The following ARHGAP6 variants were observed in gnomAD, a reference collection of about 807,000 sequenced individuals.
The protein encoded by ARHGAP6 is rho GTPase-activating protein 6.
ARHGAP6 carries 16 observed loss-of-function variants against 55.7 expected under a neutral mutation model. The observed-to-expected ratio is 0.29, with a 90% CI of 0.19 to 0.44. The LOEUF (loss-of-function observed/expected upper bound fraction) is 0.44. Ranked by LOEUF, ARHGAP6 falls within the 20% of genes least tolerant of loss-of-function variation. ARHGAP6 has a pLI of 1.00. For synonymous variants in ARHGAP6, 382 were observed against 360.9 expected (o/e 1.06, Z -0.66); for missense variants, 698 against 808.9 (o/e 0.86, Z 1.66).
chrX:11,351,652 G>A (rs746421451), intron 1 of ARHGAP6: 43 of 681,289 alleles, frequency 6.3e-5, no homozygotes, highest in Admixed American at 8.8e-5. Context: ...TTCCCAGGCC[G>A]GACCGTCAGA....
chrX:11,442,958 T>C (rs1436327846), intron 1 of ARHGAP6, among the ~76,000 whole-genome samples: 12 of 112,290 alleles, frequency 1.1e-4, no homozygotes, highest in Non-Finnish European at 1.9e-5. Context: ...TTCTTTTTTC[T>C]GTTTTTGAAA....
chrX:11,323,600 C>G, intron 1 of ARHGAP6, among the ~76,000 whole-genome samples: 1 of 111,910 alleles, frequency 8.9e-6, no homozygotes, highest in Non-Finnish European at 1.9e-5. Context: ...TGTGGTGGCT[C>G]ACGCCTGTAA....
intron 1 of ARHGAP6, among the ~76,000 whole-genome samples, chrX:11,565,418 G>C (rs1435847846): frequency 8.9e-6 from 1 of 112,192 alleles, no homozygotes; most frequent in Non-Finnish European, 1.9e-5. Flanking sequence ...GTTCTTCTCT[G>C]GATCCCAGCA....
chrX:11,285,431 C>G (rs1313258535), intron 1 of ARHGAP6, among the ~76,000 whole-genome samples: 1 of 111,762 alleles, frequency 8.9e-6, no homozygotes, highest in East Asian at 2.8e-4. Flanking sequence ...TCTGTAATTG[C>G]TATAGTCCAT....
intron 1 of ARHGAP6, among the ~76,000 whole-genome samples, chrX:11,289,519 G>A (rs978235403): frequency 9.0e-6 from 1 of 111,632 alleles, no homozygotes; most frequent in African/African-American, 3.3e-5. Flanking sequence ...AGCAGGGAGG[G>A]AGGGAGAAAA....
chrX:11,484,627 AAAAT>A (rs1174221824), intron 1 of ARHGAP6, among the ~76,000 whole-genome samples: 1 of 111,209 alleles, frequency 9.0e-6, no homozygotes, highest in Non-Finnish European at 1.9e-5. Context: ...AGAGAAAAAG[AAAAT>A]AAATAAAACA....
intron 1 of ARHGAP6, among the ~76,000 whole-genome samples, chrX:11,266,385 A>T (rs1361581360): frequency 9.0e-6 from 1 of 111,608 alleles, no homozygotes; most frequent in Non-Finnish European, 1.9e-5. Context: ...ATTATATTTT[A>T]AAACTACTGA....
intron 1 of ARHGAP6, among the ~76,000 whole-genome samples, chrX:11,492,135 G>A (rs1032621591): frequency 5.6e-5 from 6 of 107,497 alleles, no homozygotes; most frequent in East Asian, 6.0e-4. Context: ...AGTAGGTTGC[G>A]AAAATTTTCT....
At chrX:11,177,675 G>T (rs1013606724) in intron 8 of ARHGAP6, among the ~76,000 whole-genome samples, 2 of 111,720 alleles carry the variant, frequency 1.8e-5, no homozygotes, top group African/African-American at 6.5e-5. Context: ...GGATAAACTG[G>T]AAGAATAAAG....
rs193281042 is a variant in ARHGAP6 at position 11,138,373 on chromosome X, G to T, written c.*490C>A. 4 of 113,348 alleles carry T rather than the reference G, an allele frequency of 3.5e-5. No homozygotes were observed. The highest frequency in any genetic ancestry group is 1.3e-4 in the African/African-American group (4 of 30,867). The allele number at this position is 113,348 out of a possible 1,213,427, so 9.3% of individuals were successfully genotyped here. On this transcript the variant is annotated 3_prime_UTR_variant, in exon 13 of 13. Transcript: ENST00000337414. ...AGCTATGGCAAAAGCACAGAAACCC[G>T]CTTGTGCACATTCTAGAACATTCTA...
intron 1 of ARHGAP6, among the ~76,000 whole-genome samples, chrX:11,552,553 GCCAT>G (rs2051276880): frequency 4.6e-5 from 1 of 21,882 alleles, no homozygotes; most frequent in Non-Finnish European, 8.2e-5. Flanking sequence ...AAGAAAATGT[GCCAT>G]ATATATATAT....
intron 1 of ARHGAP6, among the ~76,000 whole-genome samples, chrX:11,506,404 C>G (rs757570042): frequency 3.7e-5 from 4 of 108,989 alleles, no homozygotes; most frequent in Admixed American, 3.0e-4. Context: ...CCCCACCCCA[C>G]GACAGGCCCC....
intron 1 of ARHGAP6, among the ~76,000 whole-genome samples, chrX:11,262,995 A>G (rs776606547): frequency 1.8e-5 from 2 of 110,999 alleles, no homozygotes; most frequent in East Asian, 5.7e-4. Context: ...AGTTATAATT[A>G]ATATTAATCA....
At position 11,171,383 on chromosome X, in the gene ARHGAP6, T is replaced by C. The variant is rs1386056156; in HGVS notation, c.1630-1699A>G. Among the ~76,000 whole-genome samples, 3 of 96,001 alleles carry C rather than the reference T, an allele frequency of 3.1e-5. No homozygotes were observed. The East Asian group carries it at 9.5e-4, about 30-fold the overall frequency. The allele number at this position is 96,001 out of a possible 115,157, so 83.4% of individuals were successfully genotyped here. A position where few individuals can be genotyped will look rare whatever the true frequency, so the allele number is the denominator to read the frequency against. ...ACTATCTCTTAACAACATGCTACAATAATCTTTCCACTACAAAAAAAAAAA... is the reference window on the plus strand; with the variant it reads ...ACTATCTCTTAACAACATGCTACAACAATCTTTCCACTACAAAAAAAAAAA... On this transcript the variant is annotated intron_variant, in intron 8 of 12. Coordinates refer to ENST00000337414, the MANE Select transcript of ARHGAP6 (RefSeq NM_013427.3).
chrX:11,420,815 T>C (rs924249068), intron 1 of ARHGAP6, among the ~76,000 whole-genome samples: 1 of 111,792 alleles, frequency 8.9e-6, no homozygotes, highest in Non-Finnish European at 1.9e-5. Flanking sequence ...TGCTGAGCAC[T>C]CCACACATCC....
rs73494801 is a variant in ARHGAP6, at chrX:11,338,591, G to A, written c.589-83884C>T. Among the ~76,000 whole-genome samples the A allele has an allele frequency of 6.9e-3, 768 of 111,674 alleles. 6 individuals are homozygous for A. Among genetic ancestry groups the A allele is most frequent in the African/African-American group, 0.024 (724 of 30,683 alleles). On this transcript the variant is annotated intron_variant, in intron 1 of 12. Coordinates refer to ENST00000337414, the MANE Select transcript of ARHGAP6 (RefSeq NM_013427.3). ...TCCTGCAGGAAAATAATGAAGTCCC[G>A]AACTGAAGGCAAACTTCTCTAAAGT...
intron 2 of ARHGAP6, among the ~76,000 whole-genome samples, chrX:11,242,047 T>G (rs549228903): frequency 8.9e-6 from 1 of 111,888 alleles, no homozygotes; most frequent in Non-Finnish European, 1.9e-5. Context: ...GAGGTCACCA[T>G]GCCTTCAGTT....
chrX:11,152,770 A>G (rs1172866025), intron 10 of ARHGAP6, among the ~76,000 whole-genome samples: 2 of 112,574 alleles, frequency 1.8e-5, no homozygotes, highest in African/African-American at 3.2e-5. Flanking sequence ...AAACTCCCAC[A>G]TGATAGTAAA....
intron 10 of ARHGAP6, among the ~76,000 whole-genome samples, chrX:11,149,471 G>T: frequency 9.1e-6 from 1 of 110,437 alleles, no homozygotes; most frequent in Non-Finnish European, 1.9e-5. Flanking sequence ...GTTGGGGGAG[G>T]GGGGCAGGGG....
Sources: gnomAD v4.1 joint callset for allele counts (sites outside exome capture counted in the v4.1 genomes callset) on GRCh38, gnomAD v4.1.1 for gene constraint, MANE v1.5 for transcripts, NCBI Gene and HGNC (gene_info 2026-07-23, HGNC 2026-07-21) for gene names.